The following ZNF600 variants were observed in gnomAD, a reference collection of about 807,000 sequenced individuals.
ZNF600 encodes zinc finger protein KR-ZNF1.
A neutral mutation model predicts 7.3 loss-of-function variants in ZNF600; 4 were observed. The ratio of observed to expected loss-of-function variants is 0.55; its 90% CI spans 0.27 to 1.25. The LOEUF is 1.25. Ranked by LOEUF, ZNF600 falls within the 50% of genes most tolerant of loss-of-function variation. ZNF600 has a pLI of 0.12. For missense variants in ZNF600, 911 were observed against 922.1 expected (o/e 0.99, Z 0.16); for synonymous variants, 290 against 308.9 (o/e 0.94, Z 0.64).
chr19:52,796,033 GGT>G, the ZNF600 span, among the ~76,000 whole-genome samples: 2 of 152,132 alleles, frequency 1.3e-5, no homozygotes, highest in African/African-American at 4.8e-5. Context: ...AAATTTGCCG[GGT>G]GCAATGGCGC....
chr19:52,774,255 C>A (rs2062654025), intron 3 of ZNF600, among the ~76,000 whole-genome samples: 1 of 151,198 alleles, frequency 6.6e-6, no homozygotes, highest in South Asian at 2.1e-4. Context: ...CATAGAGAAA[C>A]CCCGTCTCTA....
At chr19:52,807,528 C>T in the ZNF600 span, among the ~76,000 whole-genome samples, 1 of 152,164 alleles carries the variant, frequency 6.6e-6, no homozygotes, top group Non-Finnish European at 1.5e-5. Context: ...GGCTGGAGTG[C>T]AGTGGTGTGT....
At chr19:52,831,749 C>T in the ZNF600 span, among the ~76,000 whole-genome samples, 9 of 152,132 alleles carry the variant, frequency 5.9e-5, no homozygotes, top group South Asian at 1.2e-3. Context: ...CATGATCTGC[C>T]CACCTCGGCC....
chr19:52,785,635 G>A (rs934605777), intron 1 of ZNF600, among the ~76,000 whole-genome samples: 12 of 151,800 alleles, frequency 7.9e-5, no homozygotes, highest in African/African-American at 2.4e-4. Flanking sequence ...TTATCTCTCC[G>A]TCTCCTCTGC....
At chr19:52,799,851 C>G in the ZNF600 span, 1 of 1,613,972 alleles carries the variant, frequency 6.2e-7, no homozygotes, top group South Asian at 1.1e-5. Context: ...ACATTCATTA[C>G]ACTTGTAAGG....
chr19:52,775,472 T>C (rs1461331708), intron 2 of ZNF600, among the ~76,000 whole-genome samples: 3 of 146,222 alleles, frequency 2.1e-5, no homozygotes, highest in East Asian at 2.1e-4. Context: ...ATCGCATGAA[T>C]CCGAGAGGTG....
At chr19:52,829,195 T>TTTATTTTATA in the ZNF600 span, among the ~76,000 whole-genome samples, 1 of 45,428 alleles carries the variant, frequency 2.2e-5, no homozygotes, top group African/African-American at 5.8e-5. Flanking sequence ...TTTATTTTAT[T>TTTATTTTATA]TTATTTTATT....
intron 3 of ZNF600, among the ~76,000 whole-genome samples, chr19:52,769,056 T>G (rs2062611532): frequency 6.6e-6 from 1 of 152,214 alleles, no homozygotes; most frequent in Non-Finnish European, 1.5e-5. Flanking sequence ...CTCCTTGGTC[T>G]GGCAGTGATG....
Position 52,766,797 on chromosome 19 carries a change from T to TATAA in ZNF600, c.1165_1166insTTAT (p.His389LeufsTer3). The TATAA allele has an allele frequency of 6.2e-7, 1 of 1,614,178 alleles. No individual in the cohort carries two copies. Among genetic ancestry groups the TATAA allele is most frequent in the Non-Finnish European group, 8.5e-7 (1 of 1,180,030 alleles). ...TTTCTCTCCAGTATGAATTCTCTTA[T>TATAA]GTGACTCAAGGGTTGATTTCCGACT... On this transcript the variant is annotated frameshift_variant, in exon 4 of 4. Transcript: ENST00000648973. LOFTEE classifies it low-confidence loss of function (END_TRUNC).
the ZNF600 span, among the ~76,000 whole-genome samples, chr19:52,806,252 GGTGCGA>G: frequency 6.6e-6 from 1 of 151,908 alleles, no homozygotes; most frequent in South Asian, 2.1e-4. Flanking sequence ...GGAGTGCAAC[GGTGCGA>G]TCTCGGCTCA....
chr19:52,765,659 A>C (rs373242859), exon 4 of ZNF600: 63 of 1,613,906 alleles, frequency 3.9e-5, no homozygotes, highest in Non-Finnish European at 5.3e-5. Flanking sequence ...AGGCTTTGCC[A>C]CACTCATTAC....
the ZNF600 span, chr19:52,810,279 A>G: frequency 1.4e-6 from 2 of 1,457,592 alleles, no homozygotes; most frequent in Non-Finnish European, 1.9e-6. Flanking sequence ...GATCACGTCC[A>G]TTGAGGAGAA....
chr19:52,785,927 T>C (rs1331448559), intron 1 of ZNF600, among the ~76,000 whole-genome samples: 1 of 152,204 alleles, frequency 6.6e-6, no homozygotes, highest in Non-Finnish European at 1.5e-5. Flanking sequence ...TTTCTTAGTT[T>C]TTTTTCTTTC....
chr19:52,800,895 T>C, the ZNF600 span: 2 of 1,614,112 alleles, frequency 1.2e-6, no homozygotes, highest in Middle Eastern at 1.7e-4. Flanking sequence ...AATTATCTTA[T>C]GTGTTTCAAG....
upstream of ZNF600, among the ~76,000 whole-genome samples, chr19:52,790,667 ATCTC>A (rs962331596): frequency 1.5e-5 from 2 of 137,840 alleles, no homozygotes; most frequent in Non-Finnish European, 3.1e-5. Context: ...GAGCAACATT[ATCTC>A]TCTCTCTCTC....
At chr19:52,808,203 A>AG in the ZNF600 span, 5 of 1,591,246 alleles carry the variant, frequency 3.1e-6, no homozygotes, top group African/African-American at 6.7e-5. Context: ...ATGACAAGAG[A>AG]GGGGGAAAGC....
chr19:52,789,391 T>G (rs1392993450), upstream of ZNF600, among the ~76,000 whole-genome samples: 1 of 152,204 alleles, frequency 6.6e-6, no homozygotes, highest in Non-Finnish European at 1.5e-5. Flanking sequence ...ACATCTCAAC[T>G]CAAAAGAATT....
chr19:52,825,056 T>C, the ZNF600 span, among the ~76,000 whole-genome samples: 116 of 152,148 alleles, frequency 7.6e-4, no homozygotes, highest in African/African-American at 2.7e-3. Flanking sequence ...TGGTGCTCTC[T>C]CATGTTCTCA....
At chr19:52,807,295 A>C in the ZNF600 span, among the ~76,000 whole-genome samples, 1 of 152,220 alleles carries the variant, frequency 6.6e-6, no homozygotes, top group Non-Finnish European at 1.5e-5. Context: ...AAGACATTAC[A>C]GATGAATCTA....
Sources: gnomAD v4.1 joint callset for allele counts (sites outside exome capture counted in the v4.1 genomes callset) on GRCh38, gnomAD v4.1.1 for gene constraint, MANE v1.5 for transcripts, NCBI Gene and HGNC (gene_info 2026-07-23, HGNC 2026-07-21) for gene names.